Variants in CREB5 observed in about 807,000 individuals in gnomAD.
The protein encoded by CREB5 is cyclic AMP-responsive element-binding protein 5.
Under a neutral mutation model 57.1 loss-of-function variants are expected in CREB5, and 19 were observed. The observed-to-expected ratio is 0.33, with a 90% CI of 0.23 to 0.49. CREB5 has a LOEUF of 0.49. CREB5 is among the 20% of genes least tolerant of loss of function. The pLI is 0.99. For missense variants in CREB5, 579 were observed against 671.6 expected (o/e 0.86, Z 1.52); for synonymous variants, 238 against 238.3 (o/e 1.00, Z 0.01).
rs17156670 is a variant in CREB5, at chr7:28,420,382, A to G, written c.3+7465A>G. On this transcript the variant is annotated intron_variant, in intron 1 of 10. Coordinates refer to ENST00000357727, the MANE Select transcript of CREB5 (RefSeq NM_182898.4). The stretch of plus-strand genomic sequence containing the variant: ...ATTTAGAAGATATTTTAGGAGATCT[A>G]TTTAGAAAGTCTTATATTCCTTCAC... Among the ~76,000 whole-genome samples, 116 of 152,336 alleles carry G rather than the reference A, an allele frequency of 7.6e-4. 1 individual carries two copies. In the East Asian group the frequency reaches 0.013, roughly 17 times the overall value.
chr7:28,456,272 A>G (rs1190577396), intron 1 of CREB5, among the ~76,000 whole-genome samples: 2 of 152,162 alleles, frequency 1.3e-5, no homozygotes, highest in African/African-American at 4.8e-5. Flanking sequence ...AAATATTTAC[A>G]TAAGTGCAAG....
chr7:28,570,336 G>A (rs1795645249), intron 4 of CREB5, 29 bp from the exon 5 acceptor site: 1 of 1,595,896 alleles, frequency 6.3e-7, no homozygotes, highest in East Asian at 2.2e-5. Context: ...GACTCCTCCT[G>A]ACCTTTCCCC....
At position 28,372,552 on chromosome 7, in the gene CREB5, G is replaced by A. The variant is rs574223662; in HGVS notation, c.-25+73111G>A. Among the ~76,000 whole-genome samples the A allele has an allele frequency of 1.3e-4, 20 of 152,320 alleles. 1 individual carries two copies. In the South Asian group the frequency reaches 4.1e-3, roughly 32 times the overall value. ...AAGGATATATGAATTGCATAAAGGT[G>A]TAAATATTATTTATGATGCTTATAT... On this transcript the variant is annotated intron_variant, in intron 1 of 9. Coordinates refer to the CREB5 transcript ENST00000396299.
Position 28,360,773 on chromosome 7 carries a change from G to A in CREB5, c.-25+61332G>A, listed in dbSNP as rs184880758. On this transcript the variant is annotated intron_variant, in intron 1 of 9. Transcript: ENST00000396299. ...AAAAATAGAAAGTGCCTTATAAAAC[G>A]TGTAGTCTGTCACAAGCATAGTTAG... 2.6e-4 allele frequency among the ~76,000 whole-genome samples: 40 copies of A among 152,242 alleles called. No individual in the cohort carries two copies. In the East Asian group the frequency reaches 6.9e-3, roughly 26 times the overall value.
Position 28,727,471 on chromosome 7 carries a change from T to TTTTTAACATTCAA in CREB5, c.702+3139_702+3140insTTTTAACATTCAA, listed in dbSNP as rs529187129. Among the ~76,000 whole-genome samples the TTTTTAACATTCAA allele has an allele frequency of 4.0e-4, 61 of 152,118 alleles. No homozygotes were observed. In the East Asian group the frequency reaches 0.01, roughly 26 times the overall value. On this transcript the variant is annotated intron_variant, in intron 7 of 10. Coordinates refer to ENST00000357727, the MANE Select transcript of CREB5 (RefSeq NM_182898.4). The stretch of plus-strand genomic sequence containing the variant: ...AGGGGAAAAGGAGGAAAGGAAGGGG[T>TTTTTAACATTCAA]AGGGGAAATGCAAACCATCCCGGGA...
chr7:28,515,812 A>G (rs187449140), intron 4 of CREB5, among the ~76,000 whole-genome samples: 3 of 152,288 alleles, frequency 2.0e-5, no homozygotes, highest in Admixed American at 2.0e-4. Flanking sequence ...ATAACTTTAA[A>G]GAGATACCTA....
rs529131406 is a variant in CREB5, at chr7:28,554,829, T to C, written c.292-15536T>C. 2.0e-5 allele frequency among the ~76,000 whole-genome samples: 3 copies of C among 152,324 alleles called. No individual in the cohort carries two copies. The South Asian group carries it at 6.2e-4, about 32-fold the overall frequency. The stretch of plus-strand genomic sequence containing the variant: ...GCTCTAGGTATGCTCTATATGTGAA[T>C]CTAGACTGTTCACATGAGCGAGTCA... On this transcript the variant is annotated intron_variant, in intron 4 of 10. Coordinates refer to ENST00000357727, the MANE Select transcript of CREB5 (RefSeq NM_182898.4).
upstream of CREB5, chr7:28,410,565 C>G (rs753019100): frequency 2.2e-6 from 1 of 456,676 alleles, no homozygotes; most frequent in Admixed American, 2.3e-5. Flanking sequence ...TAGACCTTGT[C>G]CACACTCTCA....
chr7:28,665,049 C>T (rs112510127), intron 5 of CREB5, among the ~76,000 whole-genome samples: 2,158 of 152,134 alleles, frequency 0.014, 49 homozygotes, highest in African/African-American at 0.042. Context: ...CATGCCTTTG[C>T]CCAAAAGGCT....
intron 1 of CREB5, among the ~76,000 whole-genome samples, chr7:28,421,920 G>A (rs1367588829): frequency 2.8e-5 from 1 of 35,670 alleles, no homozygotes; most frequent in Middle Eastern, 0.016. Context: ...GTGTGTATGT[G>A]TGTGTATGTG....
chr7:28,772,626 G>C (rs188720817), intron 7 of CREB5, among the ~76,000 whole-genome samples: 121 of 152,328 alleles, frequency 7.9e-4, no homozygotes, highest in Non-Finnish European at 1.6e-3. Context: ...TTCTCTTTGA[G>C]AGACATTTTC....
intron 1 of CREB5, among the ~76,000 whole-genome samples, chr7:28,455,122 AC>A (rs1790036439): frequency 6.6e-6 from 1 of 152,210 alleles, no homozygotes; most frequent in South Asian, 2.1e-4. Context: ...CACATGTGAA[AC>A]CTACTTCAAG....
chr7:28,320,181 T>G (rs1043175476), intron 1 of CREB5, among the ~76,000 whole-genome samples: 1 of 152,054 alleles, frequency 6.6e-6, no homozygotes, highest in African/African-American at 2.4e-5. Context: ...TCTGCTTGCC[T>G]CGGCCTCGGA....
intron 4 of CREB5, among the ~76,000 whole-genome samples, chr7:28,549,078 G>T (rs1344699285): frequency 2.0e-5 from 3 of 152,054 alleles, no homozygotes; most frequent in African/African-American, 7.2e-5. Context: ...TACCTGTTGG[G>T]CTCTGCACAA....
chr7:28,547,393 A>G (rs1363656553), intron 4 of CREB5, among the ~76,000 whole-genome samples: 1 of 152,194 alleles, frequency 6.6e-6, no homozygotes, highest in Non-Finnish European at 1.5e-5. Flanking sequence ...CACGGATACA[A>G]AATATGAATA....
At chr7:28,426,640 C>T (rs142620771) in intron 1 of CREB5, among the ~76,000 whole-genome samples, 130 of 152,320 alleles carry the variant, frequency 8.5e-4, no homozygotes, top group African/African-American at 3.1e-3. Flanking sequence ...TCTCCAAGGC[C>T]CATCTCAGTC....
chr7:28,590,413 C>T (rs937525412), intron 5 of CREB5, among the ~76,000 whole-genome samples: 4 of 150,544 alleles, frequency 2.7e-5, no homozygotes, highest in African/African-American at 9.8e-5. Flanking sequence ...TCATTCTCAG[C>T]AAACTATAGC....
chr7:28,516,922 A>G (rs1475349303), intron 4 of CREB5, among the ~76,000 whole-genome samples: 1 of 152,208 alleles, frequency 6.6e-6, no homozygotes, highest in Non-Finnish European at 1.5e-5. Context: ...CCAGACAGGC[A>G]CACAGAGTGG....
chr7:28,622,061 T>G (rs1451006879), intron 5 of CREB5, among the ~76,000 whole-genome samples: 1 of 152,148 alleles, frequency 6.6e-6, no homozygotes, highest in East Asian at 1.9e-4. Flanking sequence ...GGTCAATGAT[T>G]AACACTGTGA....
Sources: gnomAD v4.1 joint callset for allele counts (sites outside exome capture counted in the v4.1 genomes callset) on GRCh38, gnomAD v4.1.1 for gene constraint, MANE v1.5 for transcripts, NCBI Gene and HGNC (gene_info 2026-07-23, HGNC 2026-07-21) for gene names.